The following RAI14 variants were observed in gnomAD, a reference collection of about 807,000 sequenced individuals.
RAI14 encodes the protein ankycorbin.
RAI14 carries 45 observed loss-of-function variants against 115.4 expected under a neutral mutation model. The ratio of observed to expected loss-of-function variants is 0.39; its 90% CI spans 0.31 to 0.50. RAI14 has a LOEUF of 0.50. Among genes scored for constraint, RAI14 ranks in the 20% least tolerant of loss-of-function variants. The pLI is 0.85. For missense variants in RAI14, 939 were observed against 1,131.2 expected (o/e 0.83, Z 2.44); for synonymous variants, 371 against 415.4 (o/e 0.89, Z 1.30).
intron 2 of RAI14, among the ~76,000 whole-genome samples, chr5:34,717,553 G>A (rs1421612004): frequency 6.6e-6 from 1 of 152,192 alleles, no homozygotes; most frequent in African/African-American, 2.4e-5. Context: ...CAGCAAGAGA[G>A]CAGGGGTAGG....
intron 5 of RAI14, among the ~76,000 whole-genome samples, chr5:34,806,617 G>T (rs983375113): frequency 3.3e-5 from 5 of 152,060 alleles, no homozygotes; most frequent in Non-Finnish European, 7.4e-5. Flanking sequence ...AGGGGTCGGG[G>T]AAGGGGGTGG....
intron 3 of RAI14, 198 bp downstream of exon 3, chr5:34,757,796 A>G (rs917010971): frequency 5.8e-6 from 3 of 519,630 alleles, no homozygotes; most frequent in Non-Finnish European, 8.9e-6. Flanking sequence ...GAATGGGTAT[A>G]CATGTTCCCA....
intron 1 of RAI14, among the ~76,000 whole-genome samples, chr5:34,657,629 C>A (rs934096196): frequency 3.9e-5 from 6 of 152,230 alleles, no homozygotes; most frequent in Non-Finnish European, 8.8e-5. Flanking sequence ...GGTGGGATTC[C>A]GTCTTCCTTC....
At chr5:34,822,366 T>C (rs903432685) in intron 14 of RAI14, among the ~76,000 whole-genome samples, 2 of 150,350 alleles carry the variant, frequency 1.3e-5, no homozygotes, top group Admixed American at 6.6e-5. Context: ...AAGAAATAGC[T>C]GTACTATATA....
At chr5:34,691,189 CT>C (rs1252019892) in intron 2 of RAI14, among the ~76,000 whole-genome samples, 3 of 152,130 alleles carry the variant, frequency 2.0e-5, no homozygotes, top group African/African-American at 4.8e-5. Flanking sequence ...GGGGAGACAG[CT>C]TGCAGCACAG....
chr5:34,818,454 G>A (rs565407801), intron 12 of RAI14, among the ~76,000 whole-genome samples: 2 of 152,282 alleles, frequency 1.3e-5, no homozygotes, highest in African/African-American at 2.4e-5. Context: ...ACTATTTGCT[G>A]TCTCAGTTTT....
intron 4 of RAI14, among the ~76,000 whole-genome samples, chr5:34,799,685 ATTT>A (rs57115550): frequency 2.4e-3 from 248 of 103,390 alleles, no homozygotes; most frequent in African/African-American, 5.8e-3. Context: ...ATCTGTTAGC[ATTT>A]TTTTTTTTTT....
chr5:34,775,410 G>A (rs1750713180), intron 3 of RAI14, among the ~76,000 whole-genome samples: 1 of 152,092 alleles, frequency 6.6e-6, no homozygotes, highest in African/African-American at 2.4e-5. Flanking sequence ...CAATTCTATA[G>A]GGAAAAAAAT....
chr5:34,773,889 C>T (rs1195349035), intron 3 of RAI14, among the ~76,000 whole-genome samples: 1 of 152,198 alleles, frequency 6.6e-6, no homozygotes, highest in Non-Finnish European at 1.5e-5. Context: ...ACTTCCACAA[C>T]TGGGTGTTTA....
At chr5:34,733,853 A>C (rs1337589398) in intron 2 of RAI14, among the ~76,000 whole-genome samples, 1 of 152,150 alleles carries the variant, frequency 6.6e-6, no homozygotes, top group Non-Finnish European at 1.5e-5. Context: ...CTCTGCCTTC[A>C]GTTGGAACTT....
At chr5:34,699,880 T>C (rs1003126316) in intron 2 of RAI14, among the ~76,000 whole-genome samples, 1 of 152,176 alleles carries the variant, frequency 6.6e-6, no homozygotes, top group Non-Finnish European at 1.5e-5. Flanking sequence ...CAGTGGAAAC[T>C]GACAGATAGT....
At chr5:34,803,615 C>T (rs1321737028) in intron 4 of RAI14, 97 bp from the exon 5 acceptor site, 3 of 1,020,000 alleles carry the variant, frequency 2.9e-6, no homozygotes, top group Non-Finnish European at 4.3e-6. Context: ...GGATAACAAC[C>T]TATTTCCTTA....
At chr5:34,729,869 A>G (rs900472685) in intron 2 of RAI14, among the ~76,000 whole-genome samples, 1 of 152,262 alleles carries the variant, frequency 6.6e-6, no homozygotes, top group Non-Finnish European at 1.5e-5. Context: ...GACAGTTGGG[A>G]AAATTTGGAT....
chr5:34,829,039 T>A (rs1162075103), intron 16 of RAI14, among the ~76,000 whole-genome samples: 2 of 152,122 alleles, frequency 1.3e-5, no homozygotes, highest in Non-Finnish European at 2.9e-5. Flanking sequence ...TCTGAGATAA[T>A]CACTTTTTAC....
chr5:34,731,551 G>A (rs1010710075), intron 2 of RAI14, among the ~76,000 whole-genome samples: 1 of 152,182 alleles, frequency 6.6e-6, no homozygotes, highest in African/African-American at 2.4e-5. Flanking sequence ...GCCTGGATAT[G>A]TGGAGGCTGT....
At chr5:34,742,343 G>T (rs1355393361) in intron 2 of RAI14, among the ~76,000 whole-genome samples, 1 of 152,142 alleles carries the variant, frequency 6.6e-6, no homozygotes, top group Non-Finnish European at 1.5e-5. Flanking sequence ...AAATACAGGC[G>T]TGGTTAATAT....
rs1286227297 is a variant in RAI14, at chr5:34,808,627, C to A, written c.423C>A (p.His141Gln). ...AAGCTGTGCAGATTCTCTGCGAACA[C>A]AAGAGCCCCATAAACCTCAAAGATT... ...CLQAVQILCE[H>Q]KSPINLKDLD... The change falls in exon 7 of 18, where the codon CAC (histidine) becomes CAA (glutamine). Residue 141 changes from histidine to glutamine, a missense_variant. Physicochemically the swap from His to Gln is conservative, Grantham distance 24 (BLOSUM62 0). Transcript: ENST00000265109. 2 of 1,614,210 alleles carry A rather than the reference C, an allele frequency of 1.2e-6. No homozygotes were observed. Among genetic ancestry groups the A allele is most frequent in the Non-Finnish European group, 1.7e-6 (2 of 1,180,030 alleles).
chr5:34,727,911 C>T (rs1050656951), intron 2 of RAI14, among the ~76,000 whole-genome samples: 18 of 152,150 alleles, frequency 1.2e-4, no homozygotes, highest in African/African-American at 4.1e-4. Flanking sequence ...TGGGGCACTG[C>T]CTACTGGAGC....
intron 1 of RAI14, chr5:34,657,240 G>C (rs1023921200): frequency 6.7e-6 from 1 of 149,000 alleles, no homozygotes; most frequent in African/African-American, 2.5e-5. Context: ...CTGCCTGGTG[G>C]GGGGTGGGGG....
Sources: allele counts gnomAD v4.1 joint callset (sites outside exome capture counted in the v4.1 genomes callset), GRCh38; gene constraint gnomAD v4.1.1; transcripts MANE v1.5; gene names NCBI Gene and HGNC (gene_info 2026-07-23, HGNC 2026-07-21).